RAP1GDS1: variants seen among roughly 807,000 people sequenced by gnomAD.
RAP1GDS1 encodes RAP1, GTP-GDP dissociation stimulator 1.
In RAP1GDS1, 35 loss-of-function variants were observed where a neutral mutation model predicts 71.1. The observed-to-expected ratio is 0.49, with a 90% CI of 0.38 to 0.65. The LOEUF (loss-of-function observed/expected upper bound fraction) is 0.65. RAP1GDS1 is among the 30% of genes least tolerant of loss of function. The pLI is 0.00. For missense variants in RAP1GDS1, 663 were observed against 706.1 expected, an observed-to-expected ratio of 0.94 and a Z score of 0.69; for synonymous variants, 229 against 243.1, an observed-to-expected ratio of 0.94 and a Z score of 0.54.
intron 2 of RAP1GDS1, among the ~76,000 whole-genome samples, chr4:98,330,565 G>A (rs1339691256): frequency 6.7e-5 from 10 of 148,510 alleles, no homozygotes; most frequent in African/African-American, 2.0e-4. Context: ...GGACAGAGGC[G>A]CTCCTCACAT....
intron 2 of RAP1GDS1, among the ~76,000 whole-genome samples, chr4:98,340,827 C>T (rs1311679849): frequency 2.6e-5 from 4 of 151,792 alleles, no homozygotes; most frequent in Non-Finnish European, 5.9e-5. Flanking sequence ...ACATTGAGTA[C>T]ATATGGATAC....
At chr4:98,430,627 C>T (rs538282578) in intron 12 of RAP1GDS1, among the ~76,000 whole-genome samples, 52 of 152,322 alleles carry the variant, frequency 3.4e-4, no homozygotes, top group Admixed American at 2.2e-3. Flanking sequence ...TTATTTGAAT[C>T]CACTGATTGC....
At chr4:98,335,556 T>A (rs1294830363) in intron 2 of RAP1GDS1, among the ~76,000 whole-genome samples, 1 of 152,110 alleles carries the variant, frequency 6.6e-6, no homozygotes, top group Non-Finnish European at 1.5e-5. Context: ...AAAAGTTTTT[T>A]TTTTATTTTA....
intron 2 of RAP1GDS1, among the ~76,000 whole-genome samples, chr4:98,318,000 G>A (rs188043567): frequency 8.6e-5 from 13 of 151,800 alleles, no homozygotes; most frequent in Admixed American, 6.6e-5. Flanking sequence ...ACACCACCAC[G>A]CCCGGCTAAT....
At position 98,355,849 on chromosome 4, in the gene RAP1GDS1, C is replaced by T. The variant is rs1019378975; in HGVS notation, c.361+3248C>T. On this transcript the variant is annotated intron_variant, in intron 4 of 14. Transcript: ENST00000408927. ...CAGACTGGCATACCGCTAAATGGGA[C>T]GGAGTAAAGCTTTGTTGCTGATGAA... 3.9e-5 allele frequency among the ~76,000 whole-genome samples: 6 copies of T among 152,158 alleles called. No individual in the cohort carries two copies. The South Asian group carries it at 8.3e-4, about 21-fold the overall frequency.
rs922552136 is a variant in RAP1GDS1, at chr4:98,282,756, T to C, written c.5-10652T>C. Among the ~76,000 whole-genome samples the C allele has an allele frequency of 1.8e-4, 28 of 152,306 alleles. No individual in the cohort carries two copies. In the Middle Eastern group the frequency reaches 0.017, roughly 93 times the overall value. The stretch of plus-strand genomic sequence containing the variant: ...TTTCCTGCTTTCCCTTGTGGGCATT[T>C]AGTGCTATACATTTCCCTCTACACA... On this transcript the variant is annotated intron_variant, in intron 1 of 14. Coordinates refer to ENST00000408927, the MANE Select transcript of RAP1GDS1 (RefSeq NM_001100427.2).
intron 4 of RAP1GDS1, among the ~76,000 whole-genome samples, chr4:98,353,152 A>C (rs1271849339): frequency 6.6e-6 from 1 of 152,206 alleles, no homozygotes; most frequent in Non-Finnish European, 1.5e-5. Flanking sequence ...AAAAGAAAGC[A>C]AGAACTGGGG....
chr4:98,373,983 A>G (rs897572914), intron 4 of RAP1GDS1, among the ~76,000 whole-genome samples: 10 of 152,178 alleles, frequency 6.6e-5, no homozygotes, highest in Non-Finnish European at 1.2e-4. Context: ...GGATGGTGTA[A>G]AATTTTATGT....
At chr4:98,309,972 C>T (rs1349041252) in intron 2 of RAP1GDS1, among the ~76,000 whole-genome samples, 5 of 151,720 alleles carry the variant, frequency 3.3e-5, no homozygotes, top group South Asian at 2.1e-4. Context: ...AAATGTAGGT[C>T]GACTCATTAG....
chr4:98,349,760 T>C (rs2110414719), intron 3 of RAP1GDS1, among the ~76,000 whole-genome samples: 1 of 152,290 alleles, frequency 6.6e-6, no homozygotes, highest in Non-Finnish European at 1.5e-5. Context: ...ATGATTTGGC[T>C]CTCTGTTTGT....
intron 1 of RAP1GDS1, among the ~76,000 whole-genome samples, chr4:98,288,310 C>T (rs1726349794): frequency 6.6e-6 from 1 of 152,116 alleles, no homozygotes; most frequent in Non-Finnish European, 1.5e-5. Context: ...CCATAGTTTG[C>T]TGAGAATGAT....
chr4:98,317,593 A>G (rs991534707), intron 2 of RAP1GDS1, among the ~76,000 whole-genome samples: 2 of 152,090 alleles, frequency 1.3e-5, no homozygotes, highest in African/African-American at 4.8e-5. Flanking sequence ...ACTGATAGAT[A>G]ATTGTGAAAT....
At chr4:98,306,396 C>T (rs1366478779) in intron 2 of RAP1GDS1, among the ~76,000 whole-genome samples, 10 of 152,104 alleles carry the variant, frequency 6.6e-5, no homozygotes, top group Non-Finnish European at 1.3e-4. Flanking sequence ...GGAAGGAGAG[C>T]GAGAGAGCGA....
intron 1 of RAP1GDS1, among the ~76,000 whole-genome samples, chr4:98,273,866 G>A (rs375707071): frequency 6.6e-6 from 1 of 152,114 alleles, no homozygotes; most frequent in African/African-American, 2.4e-5. Flanking sequence ...TTTAAGGTTA[G>A]GTGGGAGCTC....
chr4:98,392,766 A>G (rs921137987), intron 6 of RAP1GDS1, among the ~76,000 whole-genome samples: 3 of 152,224 alleles, frequency 2.0e-5, no homozygotes, highest in African/African-American at 4.8e-5. Flanking sequence ...AGAGGAATCT[A>G]ACGTTAGACT....
intron 14 of RAP1GDS1, among the ~76,000 whole-genome samples, chr4:98,440,950 C>A (rs1337494742): frequency 6.6e-6 from 1 of 152,220 alleles, no homozygotes; most frequent in Non-Finnish European, 1.5e-5. Flanking sequence ...ACCTTGGCCT[C>A]CCAAAGTGCT....
intron 13 of RAP1GDS1, among the ~76,000 whole-genome samples, chr4:98,435,491 A>G (rs946322326): frequency 6.6e-6 from 1 of 152,164 alleles, no homozygotes; most frequent in Non-Finnish European, 1.5e-5. Flanking sequence ...GTAGAAGTGG[A>G]TTATCAAGAA....
chr4:98,405,075 C>T lies in RAP1GDS1; in HGVS notation c.763+473C>T, dbSNP rs139012274. 3.3e-4 allele frequency among the ~76,000 whole-genome samples: 50 copies of T among 152,198 alleles called. 1 individual carries two copies. The highest frequency in any genetic ancestry group is 5.3e-4 in the Non-Finnish European group (36 of 67,962). On this transcript the variant is annotated intron_variant, in intron 7 of 14. Coordinates refer to ENST00000408927, the MANE Select transcript of RAP1GDS1 (RefSeq NM_001100427.2). ...AATTTTTCAAATATAATGTCTAACA[C>T]GTACTCAAAGAGGATCAGATATTAA...
At chr4:98,423,587 C>T (rs917609711) in intron 12 of RAP1GDS1, among the ~76,000 whole-genome samples, 9 of 151,764 alleles carry the variant, frequency 5.9e-5, no homozygotes, top group Admixed American at 1.3e-4. Flanking sequence ...TCTTGTTGCC[C>T]GGGCTGGAAT....
Sources: gnomAD v4.1 joint callset for allele counts (sites outside exome capture counted in the v4.1 genomes callset) on GRCh38, gnomAD v4.1.1 for gene constraint, MANE v1.5 for transcripts, NCBI Gene and HGNC (gene_info 2026-07-23, HGNC 2026-07-21) for gene names.